ITGA11: variants seen among roughly 807,000 people sequenced by gnomAD.
ITGA11 encodes the protein integrin subunit alpha 11, also known as integrin alpha-11.
In ITGA11, 97 loss-of-function variants were observed where a neutral mutation model predicts 141.9. The ratio of observed to expected loss-of-function variants is 0.68; its 90% CI spans 0.58 to 0.81. The LOEUF (loss-of-function observed/expected upper bound fraction) is 0.81. Ranked by LOEUF, ITGA11 falls within the 30% of genes least tolerant of loss-of-function variation. ITGA11 has a pLI of 0.00. For synonymous variants in ITGA11, 658 were observed against 624.6 expected (o/e 1.05, Z -0.80); for missense variants, 1,387 against 1,559.2 (o/e 0.89, Z 1.86).
At chr15:68,372,708 G>A (rs1023297742) in intron 2 of ITGA11, among the ~76,000 whole-genome samples, 2 of 152,134 alleles carry the variant, frequency 1.3e-5, no homozygotes, top group Non-Finnish European at 1.5e-5. Context: ...GCCCTCTGCT[G>A]GGCTCCTTGG....
chr15:68,417,441 T>G (rs1391263030), intron 1 of ITGA11, among the ~76,000 whole-genome samples: 1 of 152,200 alleles, frequency 6.6e-6, no homozygotes, highest in Non-Finnish European at 1.5e-5. Flanking sequence ...GACTAAGCCA[T>G]CCTCTTCATT....
At chr15:68,317,488 G>A in intron 20 of ITGA11, 125 bp from the exon 21 acceptor site, 1 of 709,420 alleles carries the variant, frequency 1.4e-6, no homozygotes, top group Non-Finnish European at 2.6e-6. Flanking sequence ...ATACCCATAT[G>A]AAAGCCTGGA....
chr15:68,364,557 C>T, intron 4 of ITGA11, 150 bp downstream of exon 4: 1 of 684,966 alleles, frequency 1.5e-6, no homozygotes, highest in Non-Finnish European at 2.6e-6. Context: ...GAGCTGCTTC[C>T]TGGAATGCAC....
At chr15:68,340,908 C>A (rs535268877) in intron 10 of ITGA11, 1 of 152,366 alleles carries the variant, frequency 6.6e-6, no homozygotes, top group African/African-American at 2.4e-5. Context: ...TTCTGGGTTA[C>A]CTTGGTGATT....
At position 68,311,273 on chromosome 15, in the gene ITGA11, C is replaced by T. The variant is rs1893373109; in HGVS notation, c.3087+17G>A. 1 of 1,535,688 alleles carries T rather than the reference C, an allele frequency of 6.5e-7. No individual in the cohort carries two copies. ...TTCTGGTCCCCTCCCCTAGCCGGCT[C>T]CCAAGGCCATCACCACCTCGTCCGT... is the stretch of plus-strand genomic sequence containing the variant. On this transcript the variant is annotated intron_variant, in intron 25 of 29. Coordinates refer to ENST00000315757, the MANE Select transcript of ITGA11 (RefSeq NM_001004439.2).
In ITGA11 at chr15:68,365,056, C is replaced by G. The variant is rs115644381; in HGVS notation, c.266-258G>C. ...ACACAGTGAGCACTCACCGAGCCTT[C>G]TATCTCCTAGCCCACAGCTTTTCCT... On this transcript the variant is annotated intron_variant, in intron 3 of 29. Coordinates refer to ENST00000315757, the MANE Select transcript of ITGA11 (RefSeq NM_001004439.2). The G allele has an allele frequency of 6.7e-4, 558 of 837,144 alleles. 4 individuals are homozygous for G. In the African/African-American group the frequency reaches 9.8e-3, roughly 15 times the overall value. 51.9% of individuals were successfully genotyped at this position (837,144 alleles called of 1,614,324 possible). A position where few individuals can be genotyped will look rare whatever the true frequency, so the allele number is the denominator to read the frequency against.
chr15:68,330,451 TATCTC>T (rs1894116458), intron 15 of ITGA11, among the ~76,000 whole-genome samples: 1 of 151,682 alleles, frequency 6.6e-6, no homozygotes, highest in Non-Finnish European at 1.5e-5. Context: ...TGATGAAAAA[TATCTC>T]ATCAACATAT....
rs1566938887 is a variant in ITGA11, at chr15:68,400,957, T to TATATATTATATAATAAATATTATAATATC, written c.164+1960_164+1961insGATATTATAATATTTATTATATAATATAT. On this transcript the variant is annotated intron_variant, in intron 2 of 29. Transcript: ENST00000315757. ...TATTATATAATAAATATTATAATAT[T>TATATATTATATAATAAATATTATAATATC]ATATATATTTATTTATATATTTTAT... Among the ~76,000 whole-genome samples, 59 of 112,020 alleles carry TATATATTATATAATAAATATTATAATATC rather than the reference T, an allele frequency of 5.3e-4. 5 individuals carry two copies. The highest frequency in any genetic ancestry group is 2.0e-3 in the African/African-American group (52 of 26,040). The allele number at this position is 112,020 out of a possible 152,430, so 73.5% of individuals were successfully genotyped here. A position where few individuals can be genotyped will look rare whatever the true frequency, so the allele number is the denominator to read the frequency against.
chr15:68,370,350 C>T (rs1017885811), intron 2 of ITGA11, among the ~76,000 whole-genome samples: 3 of 152,204 alleles, frequency 2.0e-5, no homozygotes, highest in African/African-American at 4.8e-5. Flanking sequence ...CCTGGAGGTG[C>T]GGCTGTGGAC....
chr15:68,336,287 A>G (rs777560486), intron 11 of ITGA11, among the ~76,000 whole-genome samples: 2 of 152,140 alleles, frequency 1.3e-5, no homozygotes, highest in African/African-American at 2.4e-5. Flanking sequence ...GGTTCTCTTT[A>G]TTACCACAAA....
chr15:68,316,925 T>C (rs1190424767), intron 21 of ITGA11, among the ~76,000 whole-genome samples: 3 of 152,066 alleles, frequency 2.0e-5, no homozygotes, highest in Non-Finnish European at 2.9e-5. Flanking sequence ...TCTCTCCCCA[T>C]CCCTCCTCAT....
chr15:68,315,359 G>C (rs116279573), intron 22 of ITGA11, among the ~76,000 whole-genome samples: 5,866 of 152,272 alleles, frequency 0.039, 415 homozygotes, highest in African/African-American at 0.13. Flanking sequence ...TATAACCATA[G>C]GGTTTGTGAA....
At chr15:68,406,335 CA>C (rs1229777147) in intron 1 of ITGA11, among the ~76,000 whole-genome samples, 27 of 152,280 alleles carry the variant, frequency 1.8e-4, no homozygotes, top group Admixed American at 1.8e-3. Flanking sequence ...CACTCTGCCC[CA>C]TTAATTTCTA....
chr15:68,388,776 C>T (rs1357022957), intron 2 of ITGA11, among the ~76,000 whole-genome samples: 2 of 152,124 alleles, frequency 1.3e-5, no homozygotes, highest in Non-Finnish European at 2.9e-5. Flanking sequence ...CCCTCGATTC[C>T]ATCCTCCACA....
intron 20 of ITGA11, among the ~76,000 whole-genome samples, chr15:68,318,741 G>C (rs578150522): frequency 6.6e-6 from 1 of 152,254 alleles, no homozygotes; most frequent in South Asian, 2.1e-4. Context: ...GGGGGCACTT[G>C]GGGAGGGGTG....
chr15:68,313,718 G>A, intron 23 of ITGA11, 61 bp downstream of exon 23: 1 of 1,335,134 alleles, frequency 7.5e-7, no homozygotes, highest in Non-Finnish European at 1.1e-6. Context: ...CCCCCCCTTA[G>A]GCCTCCCTCC....
intron 4 of ITGA11, among the ~76,000 whole-genome samples, chr15:68,362,230 CT>C (rs1264088389): frequency 3.9e-5 from 6 of 152,186 alleles, no homozygotes; most frequent in Admixed American, 1.3e-4. Context: ...ACCAAAAACA[CT>C]GATGTCAGTC....
intron 7 of ITGA11, among the ~76,000 whole-genome samples, chr15:68,352,814 A>AC (rs57142519): frequency 0.058 from 8,807 of 152,262 alleles, 459 homozygotes; most frequent in African/African-American, 0.14. Context: ...TCGACCGTCA[A>AC]TTGGCAGAGA....
intron 1 of ITGA11, among the ~76,000 whole-genome samples, chr15:68,423,590 A>C (rs1428605741): frequency 6.6e-6 from 1 of 152,216 alleles, no homozygotes; most frequent in Non-Finnish European, 1.5e-5. Flanking sequence ...TGGCTCTGTC[A>C]AAGAGTCTGG....
Sources: allele counts gnomAD v4.1 joint callset (sites outside exome capture counted in the v4.1 genomes callset), GRCh38; gene constraint gnomAD v4.1.1; transcripts MANE v1.5; gene names NCBI Gene and HGNC (gene_info 2026-07-23, HGNC 2026-07-21).